Variants in NEK10 observed in about 807,000 individuals in gnomAD.
NEK10 encodes serine/threonine-protein kinase Nek10.
In NEK10, 122 loss-of-function variants were observed where a neutral mutation model predicts 159.8. The observed-to-expected ratio is 0.76, with a 90% CI of 0.66 to 0.89. NEK10 has a LOEUF of 0.89. Ranked by LOEUF, NEK10 falls within the 40% of genes least tolerant of loss-of-function variation. The pLI is 0.00. For synonymous variants in NEK10, 466 were observed against 457.1 expected (o/e 1.02, Z -0.25); for missense variants, 1,342 against 1,323.1 (o/e 1.01, Z -0.22).
intron 23 of NEK10, among the ~76,000 whole-genome samples, chr3:27,203,717 G>A (rs1950239667): frequency 6.6e-6 from 1 of 151,934 alleles, no homozygotes; most frequent in Non-Finnish European, 1.5e-5. Context: ...TTATAAATTG[G>A]CATCAAAACA....
At chr3:27,258,448 C>T (rs1473851132) in intron 22 of NEK10, among the ~76,000 whole-genome samples, 3 of 149,390 alleles carry the variant, frequency 2.0e-5, no homozygotes, top group Non-Finnish European at 3.0e-5. Context: ...TCAATTCCCA[C>T]CTATGAGTGA....
chr3:27,171,690 G>T (rs1946998293), intron 29 of NEK10, 129 bp downstream of exon 29: 8 of 839,124 alleles, frequency 9.5e-6, no homozygotes, highest in Non-Finnish European at 1.5e-5. Context: ...ACAGTTCTGG[G>T]CAAGTAAGCT....
intron 30 of NEK10, chr3:27,162,468 T>C: frequency 6.2e-7 from 1 of 1,614,114 alleles, no homozygotes; most frequent in Non-Finnish European, 8.5e-7. Context: ...TACCATGATC[T>C]TTGAGATTTC....
chr3:27,181,439 G>A (rs1421256718), intron 26 of NEK10, among the ~76,000 whole-genome samples: 1 of 152,058 alleles, frequency 6.6e-6, no homozygotes, highest in Non-Finnish European at 1.5e-5. Context: ...TCTTCACATT[G>A]GGTAGGCTGA....
chr3:27,191,470 G>A (rs1399184719), intron 26 of NEK10, among the ~76,000 whole-genome samples: 1 of 152,210 alleles, frequency 6.6e-6, no homozygotes, highest in Non-Finnish European at 1.5e-5. Context: ...GTGGATATTT[G>A]TAGCTTTGGC....
intron 23 of NEK10, among the ~76,000 whole-genome samples, chr3:27,251,113 C>G (rs962541621): frequency 9.2e-5 from 14 of 152,050 alleles, no homozygotes; most frequent in African/African-American, 3.4e-4. Flanking sequence ...AGGACATGGG[C>G]ACTATTATTA....
At chr3:27,229,973 T>C (rs533150497) in intron 23 of NEK10, among the ~76,000 whole-genome samples, 177 of 152,240 alleles carry the variant, frequency 1.2e-3, no homozygotes, top group Non-Finnish European at 2.1e-3. Context: ...AAAACTTCCC[T>C]GGCCTTACTA....
intron 23 of NEK10, among the ~76,000 whole-genome samples, chr3:27,227,042 TTTCATTCATTTATTCA>T (rs1383205641): frequency 6.6e-6 from 1 of 152,216 alleles, no homozygotes; most frequent in African/African-American, 2.4e-5. Flanking sequence ...CCTTAAGTGC[TTTCATTCATTTATTCA>T]TTCATTCATT....
chr3:27,114,247 T>C (rs137916628), intron 35 of NEK10, among the ~76,000 whole-genome samples: 1,832 of 152,320 alleles, frequency 0.012, 38 homozygotes, highest in African/African-American at 0.042. Context: ...AGGTCCTTGC[T>C]GCTCTTTCTG....
At chr3:27,232,534 A>G (rs546665839) in intron 23 of NEK10, among the ~76,000 whole-genome samples, 1 of 150,526 alleles carries the variant, frequency 6.6e-6, no homozygotes, top group South Asian at 2.1e-4. Flanking sequence ...AAATATCATC[A>G]TCATTCTTCA....
chr3:27,302,200 T>C (rs653076), intron 12 of NEK10, among the ~76,000 whole-genome samples: 60,679 of 152,088 alleles, frequency 0.4, 15,785 homozygotes, highest in African/African-American at 0.75. Context: ...GAAAGTTCTC[T>C]CCTATCATAT....
Position 27,111,211 on chromosome 3 carries a change from G to T in NEK10, c.*61C>A. The stretch of plus-strand genomic sequence containing the variant: ...CAATCCTTGGGCATCTTGCAATAGC[G>T]GCTGAAGTCCAGAACTTGAACTTCA... On this transcript the variant is annotated 3_prime_UTR_variant, in exon 36 of 36. Transcript: ENST00000691995. The T allele has an allele frequency of 6.7e-7, 1 of 1,489,774 alleles. No individual in the cohort carries two copies. The highest frequency in any genetic ancestry group is 9.3e-7 in the Non-Finnish European group (1 of 1,072,062). The allele number at this position is 1,489,774 out of a possible 1,614,324, so 92.3% of individuals were successfully genotyped here.
intron 25 of NEK10, among the ~76,000 whole-genome samples, chr3:27,192,780 T>C (rs1575176284): frequency 1.3e-5 from 2 of 152,276 alleles, no homozygotes; most frequent in South Asian, 4.2e-4. Context: ...CTACATATTA[T>C]GGTACATGGG....
chr3:27,249,771 T>C (rs1575443828), intron 23 of NEK10, among the ~76,000 whole-genome samples: 1 of 152,182 alleles, frequency 6.6e-6, no homozygotes, highest in East Asian at 1.9e-4. Context: ...CATTTATGTT[T>C]TCTGGTTGTT....
intron 23 of NEK10, among the ~76,000 whole-genome samples, chr3:27,229,649 C>T (rs980757218): frequency 9.2e-5 from 14 of 151,828 alleles, no homozygotes; most frequent in South Asian, 4.2e-4. Flanking sequence ...AAAAATTTTC[C>T]GGAGAGATAG....
chr3:27,165,669 C>T (rs1407890929), intron 29 of NEK10, among the ~76,000 whole-genome samples: 1 of 152,174 alleles, frequency 6.6e-6, no homozygotes, highest in Non-Finnish European at 1.5e-5. Context: ...TCTCTTCAGA[C>T]CTAGTGTGAC....
intron 5 of NEK10, among the ~76,000 whole-genome samples, chr3:27,338,437 T>C (rs1239487559): frequency 6.6e-6 from 1 of 152,242 alleles, no homozygotes; most frequent in East Asian, 1.9e-4. Context: ...TATAATCCTC[T>C]GGGTACATAC....
rs1939484010 is a variant in NEK10, at chr3:27,111,207, T to C, written c.*65A>G. ...CACCCAATCCTTGGGCATCTTGCAA[T>C]AGCGGCTGAAGTCCAGAACTTGAAC... On this transcript the variant is annotated 3_prime_UTR_variant, in exon 36 of 36. Coordinates refer to ENST00000691995, the MANE Select transcript of NEK10 (RefSeq NM_001394966.1). 1 of 1,474,240 alleles carries C rather than the reference T, an allele frequency of 6.8e-7. No homozygotes were observed. The highest frequency in any genetic ancestry group is 1.4e-5 in the African/African-American group (1 of 71,780). The allele number at this position is 1,474,240 out of a possible 1,614,324, so 91.3% of individuals were successfully genotyped here. A position where few individuals can be genotyped will look rare whatever the true frequency, so the allele number is the denominator to read the frequency against.
chr3:27,333,772 C>T (rs560796713), intron 5 of NEK10, among the ~76,000 whole-genome samples: 1 of 152,178 alleles, frequency 6.6e-6, no homozygotes, highest in Admixed American at 6.5e-5. Flanking sequence ...AGAGTATGCA[C>T]TATCCTGGAA....
Sources: allele counts gnomAD v4.1 joint callset (sites outside exome capture counted in the v4.1 genomes callset), GRCh38; gene constraint gnomAD v4.1.1; transcripts MANE v1.5; gene names NCBI Gene and HGNC (gene_info 2026-07-23, HGNC 2026-07-21).